DYM: variants seen among roughly 807,000 people sequenced by gnomAD.
DYM encodes dyggve-Melchior-Clausen syndrome protein.
A neutral mutation model predicts 93.1 loss-of-function variants in DYM; 78 were observed. That is an observed-to-expected ratio of 0.84 (90% CI 0.70 to 1.01). DYM has a LOEUF of 1.01. DYM is among the 50% of genes least tolerant of loss of function. DYM has a pLI of 0.00. For missense variants in DYM, 789 were observed against 845.0 expected, an observed-to-expected ratio of 0.93 and a Z score of 0.82; for synonymous variants, 321 against 319.7, an observed-to-expected ratio of 1.00 and a Z score of -0.04.
chr18:49,124,502 C>A (rs8086409), intron 15 of DYM, among the ~76,000 whole-genome samples: 15,457 of 95,912 alleles, frequency 0.16, 1,065 homozygotes, highest in East Asian at 0.34. Context: ...GAGTGAGACC[C>A]TGTCTCAAAA....
chr18:49,313,802 C>T (rs960199325), intron 8 of DYM, among the ~76,000 whole-genome samples: 23 of 152,070 alleles, frequency 1.5e-4, no homozygotes, highest in African/African-American at 5.6e-4. Context: ...TTTTTGGTGA[C>T]CCACAGAAGA....
chr18:49,059,981 A>T (rs1206260716), intron 17 of DYM, among the ~76,000 whole-genome samples: 3 of 152,226 alleles, frequency 2.0e-5, no homozygotes, highest in Non-Finnish European at 4.4e-5. Context: ...GAATAAAATA[A>T]ATTATAGGGT....
chr18:49,114,621 T>TA (rs1024484735), intron 16 of DYM: 1 of 968,542 alleles, frequency 1.0e-6, no homozygotes, highest in African/African-American at 1.8e-5. Context: ...GTGTCCTGAT[T>TA]AAAAAAAATT....
At chr18:49,083,395 G>A (rs2078226554) in intron 17 of DYM, among the ~76,000 whole-genome samples, 1 of 152,126 alleles carries the variant, frequency 6.6e-6, no homozygotes, top group South Asian at 2.1e-4. Flanking sequence ...GTACACTGCT[G>A]GTGTCAGTTT....
chr18:49,200,761 T>C (rs541822541), intron 14 of DYM, among the ~76,000 whole-genome samples: 53 of 152,262 alleles, frequency 3.5e-4, no homozygotes, highest in Admixed American at 3.5e-3. Flanking sequence ...ATTATATATA[T>C]TTATGATGTA....
intron 6 of DYM, among the ~76,000 whole-genome samples, chr18:49,347,256 A>C (rs2064681374): frequency 6.6e-6 from 1 of 152,128 alleles, no homozygotes; most frequent in Admixed American, 6.6e-5. Context: ...AGGCCAATGG[A>C]AGGACTAGGG....
intron 17 of DYM, among the ~76,000 whole-genome samples, chr18:49,077,760 G>A (rs2077430487): frequency 6.6e-6 from 1 of 152,162 alleles, no homozygotes. Flanking sequence ...TCTGTATTAT[G>A]TGACATTAGT....
chr18:49,447,655 C>T (rs181485811), intron 1 of DYM, among the ~76,000 whole-genome samples: 1 of 152,308 alleles, frequency 6.6e-6, no homozygotes, highest in Non-Finnish European at 1.5e-5. Context: ...GGCTTCTGGA[C>T]CCCAGCCGCC....
intron 17 of DYM, among the ~76,000 whole-genome samples, chr18:49,046,164 C>T (rs949522728): frequency 5.3e-5 from 8 of 151,082 alleles, no homozygotes; most frequent in South Asian, 2.1e-4. Flanking sequence ...CACCGAGGCA[C>T]GCACACACAG....
At chr18:49,458,644 C>A (rs1274860474) in intron 1 of DYM, among the ~76,000 whole-genome samples, 1 of 151,984 alleles carries the variant, frequency 6.6e-6, no homozygotes, top group Non-Finnish European at 1.5e-5. Context: ...CGTGACCAGC[C>A]TGAGCAACAT....
chr18:49,204,773 G>C (rs1028292859), intron 14 of DYM, among the ~76,000 whole-genome samples: 3 of 152,146 alleles, frequency 2.0e-5, no homozygotes, highest in Non-Finnish European at 4.4e-5. Flanking sequence ...GCAATGAATT[G>C]AAATTCTCAA....
At chr18:49,403,655 T>C (rs1256230991) in intron 2 of DYM, among the ~76,000 whole-genome samples, 2 of 152,182 alleles carry the variant, frequency 1.3e-5, no homozygotes, top group Non-Finnish European at 2.9e-5. Context: ...GTATATTGCA[T>C]GATGCTGAGA....
chr18:49,177,133 G>A (rs989754583), intron 14 of DYM, among the ~76,000 whole-genome samples: 2 of 152,064 alleles, frequency 1.3e-5, no homozygotes, highest in Non-Finnish European at 1.5e-5. Context: ...AATTGGGATC[G>A]AAATAACATT....
intron 10 of DYM, among the ~76,000 whole-genome samples, chr18:49,281,438 C>T (rs1235593164): frequency 6.6e-6 from 1 of 152,154 alleles, no homozygotes; most frequent in Non-Finnish European, 1.5e-5. Context: ...TTTGACCCAG[C>T]CATCCCATTA....
chr18:49,437,634 T>C (rs951619553), intron 1 of DYM, among the ~76,000 whole-genome samples: 4 of 152,232 alleles, frequency 2.6e-5, no homozygotes, highest in Admixed American at 6.5e-5. Context: ...GTAATTTTGA[T>C]AGATACTGCC....
At chr18:49,441,281 T>TATATATATATAA (rs1450923847) in intron 1 of DYM, among the ~76,000 whole-genome samples, 2 of 39,034 alleles carry the variant, frequency 5.1e-5, no homozygotes, top group East Asian at 8.0e-4. Context: ...ATATATTATA[T>TATATATATATAA]AATTATATAT....
At chr18:49,158,735 G>A (rs923561421) in intron 15 of DYM, among the ~76,000 whole-genome samples, 10 of 152,250 alleles carry the variant, frequency 6.6e-5, no homozygotes, top group African/African-American at 2.2e-4. Flanking sequence ...TTAACAAGAA[G>A]GATGGTTACC....
intron 15 of DYM, among the ~76,000 whole-genome samples, chr18:49,141,765 G>C (rs1277844668): frequency 6.6e-6 from 1 of 152,066 alleles, no homozygotes; most frequent in Non-Finnish European, 1.5e-5. Context: ...CCCTCCACTA[G>C]CTTCTTGAGG....
chr18:49,307,499 T>A (rs189785037), intron 8 of DYM, among the ~76,000 whole-genome samples: 3 of 152,280 alleles, frequency 2.0e-5, no homozygotes, highest in African/African-American at 7.2e-5. Flanking sequence ...GGACCATACC[T>A]GGTTACAAAG....
Sources: gnomAD v4.1 joint callset for allele counts (sites outside exome capture counted in the v4.1 genomes callset) on GRCh38, gnomAD v4.1.1 for gene constraint, MANE v1.5 for transcripts, NCBI Gene and HGNC (gene_info 2026-07-23, HGNC 2026-07-21) for gene names.